HDAC4: variants seen among roughly 807,000 people sequenced by gnomAD.
HDAC4 encodes histone deacetylase A.
In HDAC4, 16 loss-of-function variants were observed where a neutral mutation model predicts 135.1. The ratio of observed to expected loss-of-function variants is 0.12; its 90% CI spans 0.08 to 0.18. The LOEUF (loss-of-function observed/expected upper bound fraction) is 0.18, where lower values mean the gene tolerates loss of function less well. HDAC4 is among the 10% of genes least tolerant of loss of function. The pLI is 1.00. For synonymous variants in HDAC4, 685 were observed against 653.4 expected, an observed-to-expected ratio of 1.05 and a Z score of -0.74; for missense variants, 1,143 against 1,511.8, an observed-to-expected ratio of 0.76 and a Z score of 4.05.
intron 9 of HDAC4, among the ~76,000 whole-genome samples, chr2:239,136,536 A>G (rs2152889934): frequency 6.6e-6 from 1 of 152,354 alleles, no homozygotes; most frequent in Middle Eastern, 3.4e-3. Context: ...AAAACAGGCA[A>G]CTGGGACTCT....
At chr2:239,250,079 G>T (rs1463824237) in intron 2 of HDAC4, among the ~76,000 whole-genome samples, 1 of 152,206 alleles carries the variant, frequency 6.6e-6, no homozygotes, top group Non-Finnish European at 1.5e-5. Context: ...TGGCCACCGC[G>T]GCCTCTCCCA....
At chr2:239,140,011 G>C (rs188633321) in intron 8 of HDAC4, among the ~76,000 whole-genome samples, 3 of 152,310 alleles carry the variant, frequency 2.0e-5, no homozygotes, top group Admixed American at 1.3e-4. Flanking sequence ...ACTTTTTCTA[G>C]GACATGTACG....
At chr2:239,207,686 G>T (rs930894151) in intron 3 of HDAC4, among the ~76,000 whole-genome samples, 4 of 152,132 alleles carry the variant, frequency 2.6e-5, no homozygotes, top group Non-Finnish European at 5.9e-5. Context: ...ATAGAAAACA[G>T]AATTAACCCT....
At chr2:239,184,613 A>G (rs1575330742) in intron 4 of HDAC4, among the ~76,000 whole-genome samples, 1 of 110,314 alleles carries the variant, frequency 9.1e-6, no homozygotes, top group African/African-American at 3.6e-5. Context: ...TCTGTCCTGG[A>G]GGCTGTGCCC....
At chr2:239,370,738 G>A (rs1389823804) in intron 1 of HDAC4, among the ~76,000 whole-genome samples, 1 of 152,224 alleles carries the variant, frequency 6.6e-6, no homozygotes, top group Non-Finnish European at 1.5e-5. Context: ...GCCGAGCAGA[G>A]GAGCTGGTTG....
intron 1 of HDAC4, among the ~76,000 whole-genome samples, chr2:239,376,543 G>A (rs1168551160): frequency 6.6e-6 from 1 of 152,252 alleles, no homozygotes; most frequent in African/African-American, 2.4e-5. Context: ...GAAGGCACGT[G>A]TCTACTACCA....
At chr2:239,373,916 C>T (rs1453482294) in intron 1 of HDAC4, among the ~76,000 whole-genome samples, 1 of 152,164 alleles carries the variant, frequency 6.6e-6, no homozygotes. Context: ...TTACTTTTTA[C>T]AGTTAAGCCT....
At chr2:239,256,627 G>A (rs757907997) in intron 2 of HDAC4, among the ~76,000 whole-genome samples, 25 of 152,384 alleles carry the variant, frequency 1.6e-4, no homozygotes, top group Non-Finnish European at 2.9e-4. Context: ...CTGCCCCTAA[G>A]AGGGGCATAC....
At chr2:239,360,228 G>A (rs1435985298) in intron 1 of HDAC4, among the ~76,000 whole-genome samples, 2 of 152,148 alleles carry the variant, frequency 1.3e-5, no homozygotes, top group Admixed American at 1.3e-4. Flanking sequence ...GGGACCAATG[G>A]GAATGAGGGT....
Position 239,052,744 on chromosome 2 carries a change from C to T in HDAC4, c.*353G>A, listed in dbSNP as rs2031053644. On this transcript the variant is annotated 3_prime_UTR_variant, in exon 27 of 27. Transcript: ENST00000543185. ...TCTTTGATATTTGTTTTCTGTGCCT[C>T]GTGTCAACTGAATTCGGCAGCTCGG... 17 of 360,862 alleles carry T rather than the reference C, an allele frequency of 4.7e-5. No homozygotes were observed. In the South Asian group the frequency reaches 5.5e-4, roughly 12 times the overall value. The allele number at this position is 360,862 out of a possible 1,614,324, so 22.4% of individuals were successfully genotyped here. A position where few individuals can be genotyped will look rare whatever the true frequency, so the allele number is the denominator to read the frequency against.
intron 2 of HDAC4, among the ~76,000 whole-genome samples, chr2:239,269,595 G>A (rs1309633651): frequency 6.6e-6 from 1 of 152,212 alleles, no homozygotes; most frequent in Non-Finnish European, 1.5e-5. Context: ...CCTGGAGGAG[G>A]AGGGTCCTTA....
At chr2:239,125,482 CTGAGG>C (rs2040119222) in intron 12 of HDAC4, among the ~76,000 whole-genome samples, 1 of 152,212 alleles carries the variant, frequency 6.6e-6, no homozygotes, top group African/African-American at 2.4e-5. Context: ...ATCACGCAGT[CTGAGG>C]TATTTCTCTA....
In HDAC4 at chr2:239,049,602, C is replaced by T. The variant is rs2030510704; in HGVS notation, c.*3495G>A. The T allele has an allele frequency of 6.6e-6, 1 of 152,532 alleles. No homozygotes were observed. The highest frequency in any genetic ancestry group is 1.5e-5 in the Non-Finnish European group (1 of 68,030). 9.4% of individuals were successfully genotyped at this position (152,532 alleles called of 1,614,324 possible). A position where few individuals can be genotyped will look rare whatever the true frequency, so the allele number is the denominator to read the frequency against. ...GGAATGTTCTGATCAAAAAGAAAAA[C>T]AACAAAGTCCATTGCTAGTGCTGCA... On this transcript the variant is annotated 3_prime_UTR_variant, in exon 27 of 27. Transcript: ENST00000543185.
At chr2:239,062,818 G>A (rs908865032) in intron 24 of HDAC4, among the ~76,000 whole-genome samples, 1 of 152,214 alleles carries the variant, frequency 6.6e-6, no homozygotes, top group Non-Finnish European at 1.5e-5. Context: ...ATCTACTTGT[G>A]ATTTATGTTA....
chr2:239,125,251 T>C (rs1367096506), intron 12 of HDAC4, among the ~76,000 whole-genome samples: 2 of 152,242 alleles, frequency 1.3e-5, no homozygotes, highest in Admixed American at 1.3e-4. Context: ...GTTGGTGCTG[T>C]CCTCACTGTA....
intron 20 of HDAC4, among the ~76,000 whole-genome samples, chr2:239,082,757 C>T (rs2035467058): frequency 6.6e-6 from 1 of 152,244 alleles, no homozygotes; most frequent in South Asian, 2.1e-4. Context: ...GGGTCCAGGC[C>T]CCTGTGCCCA....
chr2:239,363,999 G>A (rs542827613), intron 1 of HDAC4, among the ~76,000 whole-genome samples: 6 of 152,276 alleles, frequency 3.9e-5, no homozygotes, highest in Non-Finnish European at 4.4e-5. Context: ...AGGGAAACGC[G>A]ATAAAGCCAC....
Position 239,048,560 on chromosome 2 carries a change from T to TATAGACAGATAG in HDAC4, c.*4536_*4537insCTATCTGTCTAT, listed in dbSNP as rs1553594335. 1 of 149,948 alleles carries TATAGACAGATAG rather than the reference T, an allele frequency of 6.7e-6. No homozygotes were observed. The highest frequency in any genetic ancestry group is 1.5e-5 in the Non-Finnish European group (1 of 67,634). 9.3% of individuals were successfully genotyped at this position (149,948 alleles called of 1,614,324 possible). On this transcript the variant is annotated 3_prime_UTR_variant, in exon 27 of 27. Coordinates refer to ENST00000543185, the MANE Select transcript of HDAC4 (RefSeq NM_001378414.1). ...GGGTGAGTAAGGTTCAAGCCCCCTG[T>TATAGACAGATAG]ATAGATAGATAGATAGATAGATAGA... is the stretch of plus-strand genomic sequence containing the variant.
rs547908794 is a variant in HDAC4 at position 239,148,116 on chromosome 2, C to A, written c.734-3402G>T. ...CATTGATGTAGCATCAGAGAATGCA[C>A]GCAATATCGCCGTGGGACAGGGCGG... On this transcript the variant is annotated intron_variant, in intron 7 of 26. Transcript: ENST00000543185. Among the ~76,000 whole-genome samples the A allele has an allele frequency of 9.8e-5, 15 of 152,298 alleles. No individual in the cohort carries two copies. In the East Asian group the frequency reaches 2.9e-3, roughly 29 times the overall value.
Sources: gnomAD v4.1 joint callset for allele counts (sites outside exome capture counted in the v4.1 genomes callset) on GRCh38, gnomAD v4.1.1 for gene constraint, MANE v1.5 for transcripts, NCBI Gene and HGNC (gene_info 2026-07-23, HGNC 2026-07-21) for gene names.